Variants in CNDP1 observed in about 807,000 individuals in gnomAD.
CNDP1 encodes the protein beta-Ala-His dipeptidase.
In CNDP1, 44 loss-of-function variants were observed where a neutral mutation model predicts 58.1. The ratio of observed to expected loss-of-function variants is 0.76; its 90% CI spans 0.60 to 0.97. The LOEUF (loss-of-function observed/expected upper bound fraction) is 0.97. Ranked by LOEUF, CNDP1 falls within the 50% of genes least tolerant of loss-of-function variation. The pLI is 0.00. For synonymous variants in CNDP1, 254 were observed against 252.6 expected (o/e 1.01, Z -0.05); for missense variants, 616 against 655.1 (o/e 0.94, Z 0.65).
At chr18:74,536,308 A>G (rs1267742931) in intron 1 of CNDP1, among the ~76,000 whole-genome samples, 1 of 152,230 alleles carries the variant, frequency 6.6e-6, no homozygotes, top group East Asian at 1.9e-4. Context: ...CTCCACCCAT[A>G]GGCCCCAGTG....
chr18:74,536,854 A>T (rs1980497614), intron 1 of CNDP1, among the ~76,000 whole-genome samples: 1 of 152,132 alleles, frequency 6.6e-6, no homozygotes, highest in Non-Finnish European at 1.5e-5. Context: ...ATGGTATCTC[A>T]TTGTGGTTTT....
chr18:74,546,583 A>G (rs17238585), intron 1 of CNDP1, among the ~76,000 whole-genome samples: 10,805 of 152,132 alleles, frequency 0.071, 555 homozygotes, highest in Middle Eastern at 0.11. Flanking sequence ...AGTAGGTCCC[A>G]CTGTCCCTGC....
At chr18:74,580,441 C>G (rs1981761011) in intron 10 of CNDP1, among the ~76,000 whole-genome samples, 170 bp downstream of exon 10, 1 of 152,244 alleles carries the variant, frequency 6.6e-6, no homozygotes, top group Non-Finnish European at 1.5e-5. Context: ...TACACGCCAT[C>G]TCAAGTCATC....
At chr18:74,570,941 T>C (rs775756755) in intron 6 of CNDP1, among the ~76,000 whole-genome samples, 2 of 151,706 alleles carry the variant, frequency 1.3e-5, no homozygotes, top group Admixed American at 6.6e-5. Flanking sequence ...TAGAATAGAG[T>C]TGGTGGAAGA....
chr18:74,577,151 A>G, intron 8 of CNDP1, 122 bp downstream of exon 8: 1 of 913,406 alleles, frequency 1.1e-6, no homozygotes, highest in Non-Finnish European at 1.6e-6. Flanking sequence ...GCAGATGTGA[A>G]TTCCCAGGCA....
intron 1 of CNDP1, among the ~76,000 whole-genome samples, chr18:74,551,076 A>C (rs1980893440): frequency 1.3e-5 from 2 of 152,002 alleles, no homozygotes; most frequent in South Asian, 4.2e-4. Context: ...GAGTTTATGC[A>C]AGACTGGTTG....
chr18:74,571,075 C>A (rs1981466739), intron 6 of CNDP1, 111 bp from the exon 7 acceptor site: 1 of 696,924 alleles, frequency 1.4e-6, no homozygotes, highest in Non-Finnish European at 2.5e-6. Flanking sequence ...CTGGATGTTG[C>A]CTACCTGAGT....
At position 74,584,578 on chromosome 18, in the gene CNDP1, A is replaced by G. The variant is rs772345101; in HGVS notation, c.*16A>G. On this transcript the variant is annotated 3_prime_UTR_variant, in exon 12 of 12. Transcript: ENST00000358821. The stretch of plus-strand genomic sequence containing the variant: ...GCTCCATTAATCACAAGAACCTTCT[A>G]GTCTGATCTGATCCACTGACAGATT... 18 of 1,598,462 alleles carry G rather than the reference A, an allele frequency of 1.1e-5. No homozygotes were observed. The highest frequency in any genetic ancestry group is 1.3e-5 in the African/African-American group (1 of 74,688).
chr18:74,539,483 C>T (rs189128833), intron 1 of CNDP1, among the ~76,000 whole-genome samples: 102 of 152,340 alleles, frequency 6.7e-4, no homozygotes, highest in East Asian at 2.3e-3. Context: ...AGCTATCCTG[C>T]GCATGAGGCA....
rs202065075 is a variant in CNDP1 at position 74,583,637 on chromosome 18, C to T, written c.1386C>T (p.His462=). The part of the protein sequence containing the change: ...PIAKMFQEIV[H]KSVVLIPLGA... The stretch of plus-strand genomic sequence containing the variant: ...CCAAAATGTTCCAGGAGATCGTCCA[C>T]AAGAGCGTGGTGCTAATTCCGCTGG... The change falls in exon 11 of 12, where the codon CAC becomes CAT. Residue 462 remains histidine, a synonymous_variant. Coordinates refer to ENST00000358821, the MANE Select transcript of CNDP1 (RefSeq NM_032649.6). 2.3e-5 allele frequency: 37 copies of T among 1,614,154 alleles called. No homozygotes were observed. The Admixed American group carries it at 4.8e-4, about 21-fold the overall frequency.
intron 9 of CNDP1, 68 bp downstream of exon 9, chr18:74,578,395 C>T (rs1981689547): frequency 1.4e-6 from 2 of 1,458,668 alleles, no homozygotes; most frequent in Middle Eastern, 1.8e-4. Context: ...CACATCACGG[C>T]TTAGTGAGCA....
chr18:74,576,830 C>T, intron 7 of CNDP1, 39 bp from the exon 8 acceptor site: 1 of 1,576,540 alleles, frequency 6.3e-7, no homozygotes, highest in South Asian at 1.2e-5. Flanking sequence ...TTGGCACACT[C>T]CTTTCTACCT....
At chr18:74,581,403 G>A (rs72981757) in intron 10 of CNDP1, among the ~76,000 whole-genome samples, 14,312 of 152,110 alleles carry the variant, frequency 0.094, 693 homozygotes, top group South Asian at 0.14. Context: ...TGCCATGGCT[G>A]GACTGCCTGC....
In CNDP1 at chr18:74,543,080, A is replaced by T. The variant is rs113885844; in HGVS notation, c.24+8389A>T. On this transcript the variant is annotated intron_variant, in intron 1 of 11. Transcript: ENST00000358821. ...AAGACTGACATACAAAGAGTAGAAC[A>T]TGTTTAAAATGGATGCAAACGAAGT... Among the ~76,000 whole-genome samples the T allele has an allele frequency of 6.4e-3, 982 of 152,398 alleles. 10 individuals are homozygous for T. Among genetic ancestry groups the T allele is most frequent in the African/African-American group, 0.02 (824 of 41,604 alleles).
chr18:74,584,076 G>T, intron 11 of CNDP1: 1 of 300,026 alleles, frequency 3.3e-6, no homozygotes, highest in Non-Finnish European at 6.2e-6. Context: ...ACACACTGGG[G>T]GGTTAGGGGT....
chr18:74,573,209 C>T (rs1425087786), intron 7 of CNDP1, among the ~76,000 whole-genome samples: 1 of 151,662 alleles, frequency 6.6e-6, no homozygotes, highest in Non-Finnish European at 1.5e-5. Flanking sequence ...ATCCATCTAC[C>T]TATCATCTAT....
At position 74,545,824 on chromosome 18, in the gene CNDP1, G is replaced by T. The variant is rs779800903; in HGVS notation, c.25-10514G>T. Among the ~76,000 whole-genome samples the T allele has an allele frequency of 6.6e-6, 1 of 152,142 alleles. No homozygotes were observed. Among genetic ancestry groups the T allele is most frequent in the Non-Finnish European group, 1.5e-5 (1 of 68,034 alleles). Reference sequence around the variant, plus strand: ...AAGAAGAGCCAGTGGCTCTGGTGTGGCCACAGCTACGATATCTCCAAAGGA... The same window carrying T: ...AAGAAGAGCCAGTGGCTCTGGTGTGTCCACAGCTACGATATCTCCAAAGGA... On this transcript the variant is annotated intron_variant, in intron 1 of 11. Transcript: ENST00000358821. The surrounding 1 kb of genome is among the most constrained non-coding windows in gnomAD (Gnocchi z 4.1).
intron 8 of CNDP1, 193 bp downstream of exon 8, chr18:74,577,222 C>T (rs9953129): frequency 4.6e-6 from 2 of 435,526 alleles, no homozygotes; most frequent in Non-Finnish European, 8.0e-6. Context: ...TTTTCAATGG[C>T]GTCTAATTGG....
At chr18:74,559,267 C>A in intron 2 of CNDP1, 56 bp from the exon 3 acceptor site, 1 of 1,591,264 alleles carries the variant, frequency 6.3e-7, no homozygotes, top group Non-Finnish European at 8.6e-7. Flanking sequence ...CTTCGCTCCC[C>A]CCGCAGAGCA....
Sources: allele counts gnomAD v4.1 joint callset (sites outside exome capture counted in the v4.1 genomes callset), GRCh38; gene constraint gnomAD v4.1.1; non-coding constraint Gnocchi (gnomAD v3.1); transcripts MANE v1.5; gene names NCBI Gene and HGNC (gene_info 2026-07-23, HGNC 2026-07-21).